The following CCSER1 variants were observed in gnomAD, a reference collection of about 807,000 sequenced individuals.
CCSER1 encodes serine-rich coiled-coil domain-containing protein 1.
CCSER1 carries 41 observed loss-of-function variants against 82.0 expected under a neutral mutation model. The ratio of observed to expected loss-of-function variants is 0.50; its 90% CI spans 0.39 to 0.65. The LOEUF is 0.65. CCSER1 is among the 30% of genes least tolerant of loss of function. The pLI, the probability that CCSER1 is intolerant of heterozygous loss-of-function variation, is 0.00. For synonymous variants in CCSER1, 414 were observed against 383.9 expected, an observed-to-expected ratio of 1.08 and a Z score of -0.92; for missense variants, 1,119 against 1,064.2, an observed-to-expected ratio of 1.05 and a Z score of -0.72.
At chr4:90,967,661 A>C (rs1021887787) in intron 9 of CCSER1, among the ~76,000 whole-genome samples, 1 of 152,096 alleles carries the variant, frequency 6.6e-6, no homozygotes, top group African/African-American at 2.4e-5. Flanking sequence ...TAGATACAAC[A>C]CCTAAAGCAC....
At chr4:91,149,519 T>A (rs1023535992) in intron 10 of CCSER1, among the ~76,000 whole-genome samples, 7 of 152,204 alleles carry the variant, frequency 4.6e-5, no homozygotes, top group Non-Finnish European at 8.8e-5. Flanking sequence ...TTTGTTGCCA[T>A]TGCTTTTGGT....
chr4:90,709,024 C>T (rs960821925), intron 6 of CCSER1, among the ~76,000 whole-genome samples: 1 of 152,008 alleles, frequency 6.6e-6, no homozygotes, highest in Non-Finnish European at 1.5e-5. Context: ...GAAATATTCA[C>T]ATATCTGTCT....
chr4:90,257,195 A>G (rs932358279), intron 1 of CCSER1, among the ~76,000 whole-genome samples: 1 of 149,758 alleles, frequency 6.7e-6, no homozygotes, highest in Non-Finnish European at 1.5e-5. Context: ...TCAGTGTCTT[A>G]TGTTATAAAA....
chr4:91,520,852 G>A (rs1760420886), intron 10 of CCSER1, among the ~76,000 whole-genome samples: 1 of 152,004 alleles, frequency 6.6e-6, no homozygotes, highest in South Asian at 2.1e-4. Flanking sequence ...TTATCAGTTG[G>A]AAAATACTGC....
intron 1 of CCSER1, among the ~76,000 whole-genome samples, chr4:90,271,842 ATATATATATATATATATATATTTTTT>A (rs1161749934): frequency 1.5e-4 from 5 of 32,308 alleles, no homozygotes; most frequent in African/African-American, 2.1e-4. Context: ...ATATATATAT[ATATATATATATATATATATATTTTTT>A]TTTTTTTTTT....
chr4:90,979,186 A>T (rs1263887138), intron 9 of CCSER1, among the ~76,000 whole-genome samples: 1 of 151,396 alleles, frequency 6.6e-6, no homozygotes, highest in Non-Finnish European at 1.5e-5. Context: ...GTATATATGT[A>T]TGTATACAAA....
chr4:91,061,292 A>G (rs1335316027), intron 9 of CCSER1, among the ~76,000 whole-genome samples: 1 of 151,840 alleles, frequency 6.6e-6, no homozygotes, highest in Admixed American at 6.6e-5. Flanking sequence ...AAAAAAAAAA[A>G]GAACTGAAAC....
chr4:91,421,156 T>C (rs552868940), intron 10 of CCSER1, among the ~76,000 whole-genome samples: 1 of 152,302 alleles, frequency 6.6e-6, no homozygotes, highest in East Asian at 1.9e-4. Flanking sequence ...GGTGGTGTGT[T>C]AGCCAGAGAT....
At chr4:90,727,299 T>C (rs1309495908) in intron 7 of CCSER1, 2 of 455,844 alleles carry the variant, frequency 4.4e-6, no homozygotes, top group Admixed American at 2.4e-5. Flanking sequence ...TTTGCATAGG[T>C]AGGAACAAAA....
rs949469409 is a variant in CCSER1, at chr4:90,651,455, C to A, written c.1932+23223C>A. 3.9e-5 allele frequency among the ~76,000 whole-genome samples: 6 copies of A among 152,188 alleles called. No individual in the cohort carries two copies. In the South Asian group the frequency reaches 1.0e-3, roughly 26 times the overall value. ...AACACAGGAACAGAAAACCAAACACCACACGTTCTCACTCATAAGTAGGAG... is the reference window on the plus strand; with the variant it reads ...AACACAGGAACAGAAAACCAAACACAACACGTTCTCACTCATAAGTAGGAG... On this transcript the variant is annotated intron_variant, in intron 6 of 10. Transcript: ENST00000509176.
At chr4:90,464,217 G>A (rs1269034262) in intron 4 of CCSER1, among the ~76,000 whole-genome samples, 1 of 152,168 alleles carries the variant, frequency 6.6e-6, no homozygotes, top group Admixed American at 6.5e-5. Flanking sequence ...ATTTCTGACT[G>A]AGTGGTCCCT....
chr4:91,019,538 A>G (rs755541066), intron 9 of CCSER1, among the ~76,000 whole-genome samples: 4 of 152,166 alleles, frequency 2.6e-5, no homozygotes, highest in Non-Finnish European at 4.4e-5. Flanking sequence ...AATCCATATG[A>G]TGATTTATAA....
At chr4:91,455,475 T>C (rs1756110368) in intron 10 of CCSER1, among the ~76,000 whole-genome samples, 1 of 152,066 alleles carries the variant, frequency 6.6e-6, no homozygotes, top group African/African-American at 2.4e-5. Context: ...TTGCTTCTTC[T>C]GACATGTGAG....
At chr4:90,566,928 T>C (rs2645998) in intron 5 of CCSER1, among the ~76,000 whole-genome samples, 54,483 of 151,568 alleles carry the variant, frequency 0.36, 10,597 homozygotes, top group East Asian at 0.51. Flanking sequence ...ATTTTACTTG[T>C]ATCAATTGTA....
intron 10 of CCSER1, among the ~76,000 whole-genome samples, chr4:91,589,273 G>C (rs1206596923): frequency 6.6e-6 from 1 of 151,740 alleles, no homozygotes; most frequent in Non-Finnish European, 1.5e-5. Context: ...AATCATTTAA[G>C]CAAGAAATTT....
chr4:91,134,388 T>G (rs1728271884), intron 10 of CCSER1, among the ~76,000 whole-genome samples: 1 of 149,524 alleles, frequency 6.7e-6, no homozygotes, highest in African/African-American at 2.5e-5. Context: ...AACATTTCAC[T>G]CCAGTCAGGG....
intron 1 of CCSER1, among the ~76,000 whole-genome samples, chr4:90,299,618 T>G (rs1431215815): frequency 6.6e-6 from 1 of 152,038 alleles, no homozygotes; most frequent in African/African-American, 2.4e-5. Context: ...CTTTCGTCAT[T>G]GTTGTGGGAG....
chr4:91,513,783 G>T (rs969705763), intron 10 of CCSER1, among the ~76,000 whole-genome samples: 3 of 151,914 alleles, frequency 2.0e-5, no homozygotes, highest in Non-Finnish European at 4.4e-5. Context: ...AAGATCTTTT[G>T]TATTTCTGTG....
At chr4:91,463,239 G>T (rs1368539293) in intron 10 of CCSER1, among the ~76,000 whole-genome samples, 1 of 152,202 alleles carries the variant, frequency 6.6e-6, no homozygotes, top group Non-Finnish European at 1.5e-5. Flanking sequence ...CTGATACCCA[G>T]GCAAACAGGG....
Sources: gnomAD v4.1 joint callset for allele counts (sites outside exome capture counted in the v4.1 genomes callset) on GRCh38, gnomAD v4.1.1 for gene constraint, MANE v1.5 for transcripts, NCBI Gene and HGNC (gene_info 2026-07-23, HGNC 2026-07-21) for gene names.